Variants in FRMPD4 observed in about 807,000 individuals in gnomAD.
FRMPD4 encodes FERM and PDZ domain containing 4.
FRMPD4 carries 22 observed loss-of-function variants against 94.1 expected under a neutral mutation model. That is an observed-to-expected ratio of 0.23 (90% CI 0.17 to 0.33). FRMPD4 has a LOEUF of 0.33. Ranked by LOEUF, FRMPD4 falls within the 10% of genes least tolerant of loss-of-function variation. The pLI is 1.00. For missense variants in FRMPD4, 1,111 were observed against 1,339.9 expected (o/e 0.83, Z 2.67); for synonymous variants, 631 against 548.6 (o/e 1.15, Z -2.10).
intron 1 of FRMPD4, among the ~76,000 whole-genome samples, chrX:12,479,663 A>AT (rs771617935): frequency 5.7e-5 from 6 of 104,461 alleles, no homozygotes; most frequent in African/African-American, 1.0e-4. Context: ...TGCCTGGCTA[A>AT]TTTTTTTTTT....
At chrX:12,697,778 T>C (rs1304537883) in intron 9 of FRMPD4, among the ~76,000 whole-genome samples, 2 of 112,276 alleles carry the variant, frequency 1.8e-5, no homozygotes, top group African/African-American at 6.5e-5. Context: ...TGTTTCTGCT[T>C]TCTTGCCTTG....
At chrX:12,702,841 T>TTC (rs765644712) in intron 10 of FRMPD4, among the ~76,000 whole-genome samples, 2 of 112,070 alleles carry the variant, frequency 1.8e-5, no homozygotes, top group African/African-American at 6.5e-5. Flanking sequence ...TCCAGATGCT[T>TTC]TCTCTCTCTC....
At chrX:12,697,843 A>G (rs2060148766) in intron 9 of FRMPD4, among the ~76,000 whole-genome samples, 1 of 112,145 alleles carries the variant, frequency 8.9e-6, no homozygotes, top group Non-Finnish European at 1.9e-5. Flanking sequence ...CAGAGGGGGA[A>G]AAATAGAAAA....
chrX:12,084,169 G>C (rs1448308071), intron 3 of FRMPD4, among the ~76,000 whole-genome samples: 5 of 72,271 alleles, frequency 6.9e-5, no homozygotes, highest in Admixed American at 1.7e-4. Flanking sequence ...GTTATGGGAG[G>C]GACCCAGTGG....
intron 1 of FRMPD4, among the ~76,000 whole-genome samples, chrX:12,259,800 C>T (rs995743601): frequency 1.8e-5 from 2 of 111,214 alleles, no homozygotes; most frequent in Non-Finnish European, 3.8e-5. Flanking sequence ...TCTTCCACCC[C>T]TCCACATGAC....
At chrX:12,670,963 A>G (rs1196285519) in intron 4 of FRMPD4, among the ~76,000 whole-genome samples, 1 of 112,844 alleles carries the variant, frequency 8.9e-6, no homozygotes, top group Non-Finnish European at 1.9e-5. Context: ...GAAGATATTT[A>G]TGCGGCCAAC....
chrX:11,895,666 G>A (rs1206214869), intron 3 of FRMPD4, among the ~76,000 whole-genome samples: 2 of 111,992 alleles, frequency 1.8e-5, no homozygotes, highest in East Asian at 2.8e-4. Flanking sequence ...AAGATAAACT[G>A]TTGTAACGTG....
intron 3 of FRMPD4, among the ~76,000 whole-genome samples, chrX:12,050,150 A>G (rs2054808831): frequency 8.9e-6 from 1 of 111,785 alleles, no homozygotes; most frequent in Admixed American, 9.5e-5. Flanking sequence ...AGTTTACAGT[A>G]GTGTACAGTA....
At chrX:12,648,555 G>A (rs1308498345) in intron 4 of FRMPD4, among the ~76,000 whole-genome samples, 2 of 111,937 alleles carry the variant, frequency 1.8e-5, no homozygotes, top group Non-Finnish European at 3.8e-5. Context: ...CAGGTGAAGT[G>A]GGTAAATTAC....
At chrX:11,851,040 A>T (rs1467803795) in intron 1 of FRMPD4, among the ~76,000 whole-genome samples, 2 of 111,663 alleles carry the variant, frequency 1.8e-5, no homozygotes, top group Non-Finnish European at 3.8e-5. Context: ...GAAGCTATTG[A>T]TGTTCATGAC....
At chrX:12,533,366 G>A (rs746596783) in intron 2 of FRMPD4, among the ~76,000 whole-genome samples, 3 of 111,860 alleles carry the variant, frequency 2.7e-5, no homozygotes, top group African/African-American at 3.3e-5. Context: ...TATCAGCAGC[G>A]TGAAAATGGA....
At chrX:12,428,812 C>G (rs1468462955) in intron 1 of FRMPD4, among the ~76,000 whole-genome samples, 1 of 110,995 alleles carries the variant, frequency 9.0e-6, no homozygotes, top group Non-Finnish European at 1.9e-5. Flanking sequence ...TTTGTTTTCT[C>G]TGTGTGTGTT....
chrX:12,482,341 C>G (rs1354483747), intron 1 of FRMPD4, among the ~76,000 whole-genome samples: 1 of 112,405 alleles, frequency 8.9e-6, no homozygotes, highest in Admixed American at 9.4e-5. Flanking sequence ...ACTAGAAGGG[C>G]TGGTAGAGAC....
chrX:12,658,714 A>G (rs1341277784), intron 4 of FRMPD4, among the ~76,000 whole-genome samples: 1 of 110,097 alleles, frequency 9.1e-6, no homozygotes, highest in East Asian at 2.8e-4. Context: ...TCAGTTTACT[A>G]TGTCAGTTTT....
At chrX:12,175,944 A>G (rs1428931576) in intron 1 of FRMPD4, among the ~76,000 whole-genome samples, 1 of 112,554 alleles carries the variant, frequency 8.9e-6, no homozygotes, top group Non-Finnish European at 1.9e-5. Context: ...TTAAGAATAC[A>G]GATGCCTTTG....
At chrX:12,384,580 T>G (rs1176853818) in intron 1 of FRMPD4, among the ~76,000 whole-genome samples, 1 of 111,589 alleles carries the variant, frequency 9.0e-6, no homozygotes, top group East Asian at 2.8e-4. Context: ...TTGGTAACTG[T>G]CTGGCAGACC....
At chrX:12,646,629 G>A (rs779500729) in intron 4 of FRMPD4, among the ~76,000 whole-genome samples, 2 of 111,712 alleles carry the variant, frequency 1.8e-5, no homozygotes, top group Admixed American at 9.5e-5. Context: ...TGTACCTATC[G>A]TTCCTTAACC....
rs907408372 is a variant in FRMPD4 at position 12,382,198 on chromosome X, A to T, written c.42-116482A>T. ...TAAAGACTGCAAGGAAAGCAACAAG[A>T]CATGCTTAGGAGAAATGGATAAGAG... On this transcript the variant is annotated intron_variant, in intron 1 of 16. Coordinates refer to ENST00000675598, the MANE Select transcript of FRMPD4 (RefSeq NM_001368397.1). 2.7e-5 allele frequency among the ~76,000 whole-genome samples: 3 copies of T among 111,973 alleles called. No individual in the cohort carries two copies. In the Admixed American group the frequency reaches 2.9e-4, roughly 11 times the overall value.
intron 1 of FRMPD4, among the ~76,000 whole-genome samples, chrX:12,453,212 GGAGA>G (rs199725600): frequency 2.3e-4 from 26 of 111,111 alleles, no homozygotes; most frequent in Non-Finnish European, 4.5e-4. Context: ...AGCAAATAAA[GGAGA>G]GAATTACGCC....
Sources: allele counts gnomAD v4.1 joint callset (sites outside exome capture counted in the v4.1 genomes callset), GRCh38; gene constraint gnomAD v4.1.1; transcripts MANE v1.5; gene names NCBI Gene and HGNC (gene_info 2026-07-23, HGNC 2026-07-21).